DUSP16: variants seen among roughly 807,000 people sequenced by gnomAD.
The protein encoded by DUSP16 is dual specificity phosphatase 16, also known as dual specificity protein phosphatase 16.
Under a neutral mutation model 58.3 loss-of-function variants are expected in DUSP16, and 21 were observed. The observed-to-expected ratio is 0.36, with a 90% CI of 0.26 to 0.52. The LOEUF (loss-of-function observed/expected upper bound fraction) is 0.52, where lower values mean the gene tolerates loss of function less well. Ranked by LOEUF, DUSP16 falls within the 20% of genes least tolerant of loss-of-function variation. The pLI, the probability that DUSP16 is intolerant of heterozygous loss-of-function variation, is 0.94. For missense variants in DUSP16, 726 were observed against 819.0 expected (o/e 0.89, Z 1.39); for synonymous variants, 320 against 323.8 (o/e 0.99, Z 0.12).
intron 4 of DUSP16, among the ~76,000 whole-genome samples, chr12:12,498,171 A>G (rs1447904075): frequency 6.6e-6 from 1 of 152,164 alleles, no homozygotes; most frequent in Non-Finnish European, 1.5e-5. Context: ...CACGAAGTTC[A>G]GCAGGATGAT....
chr12:12,488,260 C>CTTTG (rs112343936), intron 4 of DUSP16, among the ~76,000 whole-genome samples: 66,061 of 151,608 alleles, frequency 0.44, 14,838 homozygotes, highest in East Asian at 0.7. Flanking sequence ...ACTTTTCCTA[C>CTTTG]TTTAACCTCA....
chr12:12,494,737 A>G (rs1245054419), intron 4 of DUSP16, among the ~76,000 whole-genome samples: 1 of 152,160 alleles, frequency 6.6e-6, no homozygotes, highest in African/African-American at 2.4e-5. Context: ...GAGCAGAGGA[A>G]GAGAACAGGA....
intron 3 of DUSP16, among the ~76,000 whole-genome samples, chr12:12,512,262 CATG>C (rs1162835381): frequency 1.3e-5 from 2 of 152,170 alleles, no homozygotes; most frequent in Non-Finnish European, 2.9e-5. Flanking sequence ...AGGTGTACAG[CATG>C]ATGATGTGAT....
chr12:12,477,351 T>TGC lies in DUSP16; in HGVS notation c.1478_1479dup (p.Thr494AlafsTer61). The TGC allele has an allele frequency of 6.2e-7, 1 of 1,614,202 alleles. No individual in the cohort carries two copies. Among genetic ancestry groups the TGC allele is most frequent in the Non-Finnish European group, 8.5e-7 (1 of 1,180,020 alleles). On this transcript the variant is annotated frameshift_variant, in exon 7 of 7. Coordinates refer to ENST00000298573, the MANE Select transcript of DUSP16 (RefSeq NM_030640.3). LOFTEE classifies it high-confidence loss of function. The surrounding 1 kb of genome is among the most constrained non-coding windows in gnomAD (Gnocchi z 4.1). ...GGAGATAAAAGGGACCTCTGGGCGGTGCCACTGCTGCTGGTTCTGACCGAA... is the reference window on the plus strand; with the variant it reads ...GGAGATAAAAGGGACCTCTGGGCGGTGCGCCACTGCTGCTGGTTCTGACCGAA...
intron 1 of DUSP16, among the ~76,000 whole-genome samples, chr12:12,558,099 C>G (rs188973942): frequency 5.7e-4 from 87 of 152,226 alleles, no homozygotes; most frequent in Non-Finnish European, 1.0e-3. Flanking sequence ...TCTTATAATC[C>G]TGTTCTCCAT....
chr12:12,479,795 A>C (rs1488116950), intron 6 of DUSP16, among the ~76,000 whole-genome samples: 1 of 152,212 alleles, frequency 6.6e-6, no homozygotes, highest in Admixed American at 6.5e-5. Context: ...AATCTGGTTC[A>C]TATTTGCATT....
chr12:12,492,439 T>C (rs773741900), intron 4 of DUSP16, among the ~76,000 whole-genome samples: 5 of 152,144 alleles, frequency 3.3e-5, no homozygotes, highest in Non-Finnish European at 7.3e-5. Flanking sequence ...GAACTGTCCA[T>C]ACTCGTAAGG....
rs1403593100 is a variant in DUSP16 at position 12,474,317 on chromosome 12, CAACAGCTGGCCT to C, written c.*2504_*2515del. The C allele has an allele frequency of 6.6e-6, 1 of 152,212 alleles. No individual in the cohort carries two copies. Among genetic ancestry groups the C allele is most frequent in the Non-Finnish European group, 1.5e-5 (1 of 68,042 alleles). 9.4% of individuals were successfully genotyped at this position (152,212 alleles called of 1,614,324 possible). A position where few individuals can be genotyped will look rare whatever the true frequency, so the allele number is the denominator to read the frequency against. On this transcript the variant is annotated 3_prime_UTR_variant, in exon 7 of 7. Coordinates refer to ENST00000298573, the MANE Select transcript of DUSP16 (RefSeq NM_030640.3). The stretch of plus-strand genomic sequence containing the variant: ...ATGAGAAATGCACAGTTTAACCGTT[CAACAGCTGGCCT>C]TACTTCAAAAGAACACTATATTCAT...
At chr12:12,509,233 T>C (rs1409340412) in intron 3 of DUSP16, among the ~76,000 whole-genome samples, 1 of 152,218 alleles carries the variant, frequency 6.6e-6, no homozygotes, top group East Asian at 1.9e-4. Flanking sequence ...CTCCCTACTA[T>C]TTTCCTAACA....
intron 3 of DUSP16, among the ~76,000 whole-genome samples, chr12:12,516,874 C>T (rs1238166484): frequency 6.6e-6 from 1 of 152,162 alleles, no homozygotes; most frequent in Non-Finnish European, 1.5e-5. Flanking sequence ...TGCGGGAACA[C>T]AAAGGTAAAC....
chr12:12,552,507 T>C (rs1028638072), intron 1 of DUSP16, among the ~76,000 whole-genome samples: 2 of 152,178 alleles, frequency 1.3e-5, no homozygotes, highest in Non-Finnish European at 2.9e-5. Flanking sequence ...AACAAAAATA[T>C]TCACAATTAT....
At chr12:12,545,601 C>T (rs745814628) in intron 1 of DUSP16, among the ~76,000 whole-genome samples, 11 of 152,050 alleles carry the variant, frequency 7.2e-5, no homozygotes, top group Non-Finnish European at 1.6e-4. Context: ...ATTTTTAAAG[C>T]ATTATTTTTT....
At chr12:12,505,102 G>A (rs1163612398) in intron 3 of DUSP16, among the ~76,000 whole-genome samples, 2 of 152,156 alleles carry the variant, frequency 1.3e-5, no homozygotes, top group Admixed American at 6.5e-5. Flanking sequence ...TGCCCTATGA[G>A]ATAGGTGTTA....
chr12:12,498,967 T>TGG, intron 4 of DUSP16, among the ~76,000 whole-genome samples: 1 of 152,208 alleles, frequency 6.6e-6, no homozygotes, highest in Middle Eastern at 3.4e-3. Flanking sequence ...GAAGCCAGAG[T>TGG]TAAAAAAAGA....
chr12:12,500,381 T>A (rs1280437596), intron 4 of DUSP16, 138 bp downstream of exon 4: 13 of 997,888 alleles, frequency 1.3e-5, no homozygotes, highest in South Asian at 1.2e-4. Context: ...ATGACGCAAC[T>A]GTTACCTGGG....
At chr12:12,492,400 A>G (rs1943774459) in intron 4 of DUSP16, among the ~76,000 whole-genome samples, 1 of 152,194 alleles carries the variant, frequency 6.6e-6, no homozygotes, top group Non-Finnish European at 1.5e-5. Context: ...GCGCCCAGAT[A>G]TAATGCCTTC....
Position 12,519,987 on chromosome 12 carries a change from C to T in DUSP16, c.242G>A (p.Cys81Tyr), listed in dbSNP as rs755056131. 8.7e-6 allele frequency: 14 copies of T among 1,613,944 alleles called. No individual in the cohort carries two copies. The highest frequency in any genetic ancestry group is 1.2e-5 in the Non-Finnish European group (14 of 1,179,958). ...HSAKHKVDIDCSQKVVVYDQS... is the reference protein window; with the variant it reads ...HSAKHKVDIDYSQKVVVYDQS... ...ATCGTAAACTACAACCTTCTGACTG[C>T]AATCAATGTCAACCTGAAATGCAAA... The change falls in exon 3 of 7, where the codon TGC becomes TAC. Residue 81 changes from cysteine (C) to tyrosine (Y), a missense_variant. Cys to Tyr is a radical substitution (Grantham distance 194). Transcript: ENST00000298573.
chr12:12,532,970 A>T (rs949366934), intron 1 of DUSP16, among the ~76,000 whole-genome samples: 4 of 151,724 alleles, frequency 2.6e-5, no homozygotes, highest in South Asian at 2.1e-4. Context: ...AAAACAAAGA[A>T]GATGAACAAA....
chr12:12,557,534 C>A (rs4763842), intron 1 of DUSP16, among the ~76,000 whole-genome samples: 152,229 of 152,230 alleles, frequency 1, 76,114 homozygotes, highest in Non-Finnish European at 1. Flanking sequence ...TCTTTAATTC[C>A]CATTTCTTTT....
Sources: allele counts gnomAD v4.1 joint callset (sites outside exome capture counted in the v4.1 genomes callset), GRCh38; gene constraint gnomAD v4.1.1; non-coding constraint Gnocchi (gnomAD v3.1); transcripts MANE v1.5; gene names NCBI Gene and HGNC (gene_info 2026-07-23, HGNC 2026-07-21).